NAALADL2: variants seen among roughly 807,000 people sequenced by gnomAD.
NAALADL2 encodes the protein inactive N-acetylated-alpha-linked acidic dipeptidase-like protein 2.
NAALADL2 carries 76 observed loss-of-function variants against 87.2 expected under a neutral mutation model. The ratio of observed to expected loss-of-function variants is 0.87; its 90% CI spans 0.72 to 1.05. NAALADL2 has a LOEUF of 1.05. Among genes scored for constraint, NAALADL2 ranks in the 50% least tolerant of loss-of-function variants. The probability of loss-of-function intolerance (pLI) is 0.00; values close to 1 mark genes in which losing one functional copy is unlikely to be tolerated. For synonymous variants in NAALADL2, 354 were observed against 331.0 expected (o/e 1.07, Z -0.75); for missense variants, 1,089 against 945.8 (o/e 1.15, Z -1.99).
At chr3:174,752,016 T>C (rs759483927) in intron 3 of NAALADL2, among the ~76,000 whole-genome samples, 4 of 152,108 alleles carry the variant, frequency 2.6e-5, no homozygotes, top group East Asian at 1.9e-4. Flanking sequence ...CTCGCTCTGT[T>C]GCCCAGGCTG....
At chr3:174,867,705 A>G (rs762918796) in intron 1 of NAALADL2, among the ~76,000 whole-genome samples, 2 of 152,140 alleles carry the variant, frequency 1.3e-5, no homozygotes, top group African/African-American at 4.8e-5. Flanking sequence ...AGCATTTAAC[A>G]TGATCAGTAC....
chr3:175,019,487 A>G (rs1486192350), intron 1 of NAALADL2, among the ~76,000 whole-genome samples: 1 of 152,052 alleles, frequency 6.6e-6, no homozygotes, highest in Non-Finnish European at 1.5e-5. Context: ...TGGCTTTGGC[A>G]GATTCTAATC....
At chr3:175,729,191 T>C (rs540615025) in intron 11 of NAALADL2, among the ~76,000 whole-genome samples, 2 of 152,328 alleles carry the variant, frequency 1.3e-5, no homozygotes, top group Admixed American at 6.5e-5. Flanking sequence ...AATGGACTTA[T>C]CTCTAACAGG....
At chr3:175,337,695 T>A (rs34546730) in intron 5 of NAALADL2, among the ~76,000 whole-genome samples, 5,316 of 152,248 alleles carry the variant, frequency 0.035, 123 homozygotes, top group Non-Finnish European at 0.053. Flanking sequence ...ATGGCAACCC[T>A]AGCAAACTAA....
chr3:175,300,659 C>CTAT lies in NAALADL2; in HGVS notation c.940-23514_940-23512dup. On this transcript the variant is annotated intron_variant, in intron 4 of 13. Transcript: ENST00000454872. ...CCCCCTTTATCATATTTTATTGTGT[C>CTAT]TATTTGATTGTTCTCTCTTTTCTTC... Among the ~76,000 whole-genome samples the CTAT allele has an allele frequency of 2.0e-5, 3 of 151,704 alleles. No homozygotes were observed. In the South Asian group the frequency reaches 6.2e-4, roughly 32 times the overall value.
At chr3:175,712,981 T>C (rs1429935090) in intron 11 of NAALADL2, among the ~76,000 whole-genome samples, 2 of 152,106 alleles carry the variant, frequency 1.3e-5, no homozygotes, top group East Asian at 3.8e-4. Flanking sequence ...ATGACCTAAC[T>C]GTAGTAAAGT....
intron 3 of NAALADL2, 117 bp downstream of exon 3, chr3:175,234,321 T>C (rs1745467775): frequency 8.9e-7 from 1 of 1,125,916 alleles, no homozygotes; most frequent in South Asian, 1.6e-5. Flanking sequence ...ATTAAATCTT[T>C]TCAGTGTGGA....
chr3:174,816,144 G>A (rs7646923), intron 3 of NAALADL2, among the ~76,000 whole-genome samples: 44,457 of 151,584 alleles, frequency 0.29, 6,827 homozygotes, highest in East Asian at 0.44. Context: ...TGTATAGCAC[G>A]TATGTACCCC....
intron 2 of NAALADL2, among the ~76,000 whole-genome samples, chr3:175,189,569 A>C (rs541202695): frequency 3.3e-5 from 5 of 152,344 alleles, no homozygotes; most frequent in East Asian, 1.9e-4. Context: ...AAATAAATTT[A>C]AGACAAGTAA....
At chr3:175,244,230 A>G (rs1263335417) in intron 3 of NAALADL2, among the ~76,000 whole-genome samples, 1 of 152,026 alleles carries the variant, frequency 6.6e-6, no homozygotes, top group African/African-American at 2.4e-5. Context: ...TAACCATGGG[A>G]AAACTGATAA....
In NAALADL2 at chr3:174,873,490, C is replaced by T. The variant is rs1009083448; in HGVS notation, c.43+14040C>T. ...GGCTGGTCTTGAACTCCCGACCTTG[C>T]GATCCACCCACCTTGGCCTCCCAAA... On this transcript the variant is annotated intron_variant, in intron 1 of 13. Transcript: ENST00000454872. 1.4e-4 allele frequency among the ~76,000 whole-genome samples: 21 copies of T among 152,056 alleles called. No individual in the cohort carries two copies. The East Asian group carries it at 3.5e-3, about 25-fold the overall frequency.
At chr3:175,555,487 TTTA>T (rs1715118438) in intron 9 of NAALADL2, among the ~76,000 whole-genome samples, 3 of 152,190 alleles carry the variant, frequency 2.0e-5, no homozygotes, top group Non-Finnish European at 2.9e-5. Context: ...TAAGGCACTC[TTTA>T]AACAATATAT....
chr3:175,036,335 T>A (rs1753403654), intron 1 of NAALADL2, among the ~76,000 whole-genome samples: 1 of 152,208 alleles, frequency 6.6e-6, no homozygotes, highest in African/African-American at 2.4e-5. Flanking sequence ...TGACTTTTAA[T>A]TTCTGCTCAT....
intron 9 of NAALADL2, among the ~76,000 whole-genome samples, chr3:175,499,832 C>T (rs181040741): frequency 3.4e-4 from 51 of 152,002 alleles, no homozygotes; most frequent in African/African-American, 9.4e-4. Flanking sequence ...TTGTAGGAAG[C>T]CTGCTATGTA....
At chr3:174,451,116 G>GT (rs1715453179) in intron 1 of NAALADL2, among the ~76,000 whole-genome samples, 1 of 152,088 alleles carries the variant, frequency 6.6e-6, no homozygotes, top group African/African-American at 2.4e-5. Context: ...GGGTTGTCTG[G>GT]TTTTTACTTT....
intron 11 of NAALADL2, among the ~76,000 whole-genome samples, chr3:175,662,806 T>C (rs2781032): frequency 2.0e-5 from 3 of 152,010 alleles, no homozygotes; most frequent in East Asian, 3.8e-4. Flanking sequence ...CATTGATTTG[T>C]ATATGTTGAA....
intron 5 of NAALADL2, among the ~76,000 whole-genome samples, chr3:175,353,008 G>A (rs1019799784): frequency 1.3e-5 from 2 of 151,834 alleles, no homozygotes; most frequent in Admixed American, 6.6e-5. Flanking sequence ...GAAAGACAGG[G>A]CATTCTCACT....
intron 2 of NAALADL2, among the ~76,000 whole-genome samples, chr3:175,108,607 T>C (rs1723643425): frequency 6.6e-6 from 1 of 151,974 alleles, no homozygotes; most frequent in Non-Finnish European, 1.5e-5. Flanking sequence ...GGGAAAAACT[T>C]GTAAGATCAG....
intron 1 of NAALADL2, among the ~76,000 whole-genome samples, chr3:174,889,668 C>G (rs1268283954): frequency 6.6e-6 from 1 of 151,958 alleles, no homozygotes; most frequent in Non-Finnish European, 1.5e-5. Flanking sequence ...TAATAATTGA[C>G]AAGGCATGAC....
Sources: gnomAD v4.1 joint callset for allele counts (sites outside exome capture counted in the v4.1 genomes callset) on GRCh38, gnomAD v4.1.1 for gene constraint, MANE v1.5 for transcripts, NCBI Gene and HGNC (gene_info 2026-07-23, HGNC 2026-07-21) for gene names.